ME1: variants seen among roughly 807,000 people sequenced by gnomAD.
ME1 encodes the protein malic enzyme 1.
ME1 carries 74 observed loss-of-function variants against 66.4 expected under a neutral mutation model. The ratio of observed to expected loss-of-function variants is 1.11; its 90% CI spans 0.92 to 1.35. The LOEUF is 1.35. Among genes scored for constraint, ME1 ranks in the 40% most tolerant of loss-of-function variants. The pLI, the probability that ME1 is intolerant of heterozygous loss-of-function variation, is 0.00. For missense variants in ME1, 750 were observed against 694.1 expected (o/e 1.08, Z -0.90); for synonymous variants, 251 against 235.6 (o/e 1.07, Z -0.60).
rs1470835426 is a variant in ME1, at chr6:83,301,468, G to A, written c.704+13842C>T. 3.3e-5 allele frequency among the ~76,000 whole-genome samples: 5 copies of A among 151,820 alleles called. No homozygotes were observed. In the East Asian group the frequency reaches 5.8e-4, roughly 18 times the overall value. ...AGCGATTCTCCTGCCTCAGCCTCCC[G>A]AATAGCTGGGATTACAGGCACCCAC... On this transcript the variant is annotated intron_variant, in intron 6 of 13. Coordinates refer to ENST00000369705, the MANE Select transcript of ME1 (RefSeq NM_002395.6).
At chr6:83,327,654 A>G (rs1287693144) in intron 5 of ME1, among the ~76,000 whole-genome samples, 1 of 152,148 alleles carries the variant, frequency 6.6e-6, no homozygotes, top group Non-Finnish European at 1.5e-5. Flanking sequence ...TTCATTAGCA[A>G]TTTTAATTTC....
chr6:83,402,939 G>T (rs1769864623), intron 2 of ME1, among the ~76,000 whole-genome samples: 1 of 152,210 alleles, frequency 6.6e-6, no homozygotes, highest in South Asian at 2.1e-4. Context: ...CTATTAATAT[G>T]TGTGTATACA....
intron 6 of ME1, among the ~76,000 whole-genome samples, chr6:83,300,641 AGTT>A (rs1767698342): frequency 1.1e-5 from 1 of 92,308 alleles, no homozygotes; most frequent in Admixed American, 1.6e-4. Flanking sequence ...TTTGAGATGG[AGTT>A]GTGCAGGATC....
At chr6:83,329,434 T>C (rs1768363761) in intron 5 of ME1, among the ~76,000 whole-genome samples, 1 of 152,202 alleles carries the variant, frequency 6.6e-6, no homozygotes, top group African/African-American at 2.4e-5. Flanking sequence ...TCTCCTAGAA[T>C]GTATGAATAA....
chr6:83,414,905 G>T (rs1770130026), intron 1 of ME1, among the ~76,000 whole-genome samples: 1 of 152,138 alleles, frequency 6.6e-6, no homozygotes, highest in Admixed American at 6.5e-5. Context: ...ATAGAGAAAA[G>T]TATCTGTTAA....
chr6:83,244,868 C>T (rs1302751682), intron 7 of ME1, among the ~76,000 whole-genome samples: 2 of 151,708 alleles, frequency 1.3e-5, no homozygotes, highest in Non-Finnish European at 2.9e-5. Flanking sequence ...AAAAAATTAT[C>T]AAAGAGGTAA....
intron 1 of ME1, among the ~76,000 whole-genome samples, chr6:83,427,473 G>T (rs2127698608): frequency 6.6e-6 from 1 of 152,152 alleles, no homozygotes; most frequent in South Asian, 2.1e-4. Flanking sequence ...CTACATTTCA[G>T]CATACTATAT....
chr6:83,287,492 T>C (rs1221926788), intron 6 of ME1, among the ~76,000 whole-genome samples: 1 of 152,220 alleles, frequency 6.6e-6, no homozygotes, highest in Non-Finnish European at 1.5e-5. Flanking sequence ...CTCATCATTT[T>C]TTATGGCTGC....
intron 5 of ME1, among the ~76,000 whole-genome samples, chr6:83,330,914 C>T (rs1202043415): frequency 6.6e-6 from 1 of 152,116 alleles, no homozygotes; most frequent in Non-Finnish European, 1.5e-5. Flanking sequence ...GAATTTTCTT[C>T]TCTCCCCTGG....
rs186012888 is a variant in ME1 at position 83,356,174 on chromosome 6, G to A, written c.363-4035C>T. ...TGTAATCAAACTTGTATTTCATTTT[G>A]GAGATAAGTTTATGACCCTGATCCT... On this transcript the variant is annotated intron_variant, in intron 3 of 13. Transcript: ENST00000369705. 9.1e-4 allele frequency among the ~76,000 whole-genome samples: 138 copies of A among 152,100 alleles called. No homozygotes were observed. The Middle Eastern group carries it at 0.017, about 19-fold the overall frequency.
intron 11 of ME1, among the ~76,000 whole-genome samples, chr6:83,224,565 G>A (rs1583326613): frequency 6.6e-6 from 1 of 150,522 alleles, no homozygotes; most frequent in South Asian, 2.1e-4. Context: ...GTGCCTGTAA[G>A]CCCAGCTACT....
At chr6:83,391,696 T>TCTCTCTC (rs1331058005) in intron 3 of ME1, among the ~76,000 whole-genome samples, 6 of 152,156 alleles carry the variant, frequency 3.9e-5, no homozygotes, top group Non-Finnish European at 8.8e-5. Flanking sequence ...ACTCATCCCC[T>TCTCTCTC]ACTCTCCCTC....
chr6:83,244,802 C>T (rs889511404), intron 7 of ME1, among the ~76,000 whole-genome samples: 6 of 151,800 alleles, frequency 4.0e-5, no homozygotes, highest in Admixed American at 6.6e-5. Context: ...ATTTAAGGAA[C>T]AGAGGGCAGA....
At chr6:83,393,318 C>T in intron 3 of ME1, 2 of 1,231,262 alleles carry the variant, frequency 1.6e-6, no homozygotes, top group African/African-American at 1.5e-5. Flanking sequence ...TCAACGACCA[C>T]TTTGTCAAGC....
chr6:83,403,290 A>G (rs1475724978), intron 2 of ME1, among the ~76,000 whole-genome samples: 2 of 152,196 alleles, frequency 1.3e-5, no homozygotes, highest in Admixed American at 6.5e-5. Context: ...TCAGTTTGCT[A>G]TGACAAAAAT....
In ME1 at chr6:83,285,090, A is replaced by G. The variant is rs1416121186; in HGVS notation, c.704+30220T>C. ...TCCCGTTTTGTCTTTTCTTAACATTAGACTGAAAATAAGTGAATGGGGGTA... is the reference window on the plus strand; with the variant it reads ...TCCCGTTTTGTCTTTTCTTAACATTGGACTGAAAATAAGTGAATGGGGGTA... On this transcript the variant is annotated intron_variant, in intron 6 of 13. Coordinates refer to ENST00000369705, the MANE Select transcript of ME1 (RefSeq NM_002395.6). Among the ~76,000 whole-genome samples the G allele has an allele frequency of 3.9e-5, 6 of 152,164 alleles. No homozygotes were observed. The South Asian group carries it at 6.2e-4, about 16-fold the overall frequency.
Position 83,211,997 on chromosome 6 carries a change from T to TAA in ME1, c.1644_1645dup (p.Tyr549PhefsTer52), listed in dbSNP as rs746693003. The TAA allele has an allele frequency of 1.2e-6, 2 of 1,611,920 alleles. No individual in the cohort carries two copies. Among genetic ancestry groups the TAA allele is most frequent in the East Asian group, 4.5e-5 (2 of 44,758 alleles). On this transcript the variant is annotated frameshift_variant, in exon 14 of 14. Transcript: ENST00000369705. LOFTEE classifies it high-confidence loss of function. ...ATAACAATCAGGTAGAATCTGGTCA[T>TAA]AATCAGTACTATACATCTGGGAGCG...
At chr6:83,426,573 A>T (rs1770374286) in intron 1 of ME1, among the ~76,000 whole-genome samples, 1 of 152,222 alleles carries the variant, frequency 6.6e-6, no homozygotes, top group South Asian at 2.1e-4. Context: ...GAAGAAAAAG[A>T]GGTTTAGGGT....
In ME1 at chr6:83,242,109, C is replaced by T. The variant is rs377403583; in HGVS notation, c.815-2473G>A. ...CACCCCTGACCTCAGGTGATCTGCC[C>T]GCCTCAGCCTCCCAAAGTGCTGGGA... On this transcript the variant is annotated intron_variant, in intron 7 of 13. Transcript: ENST00000369705. Among the ~76,000 whole-genome samples the T allele has an allele frequency of 1.2e-4, 19 of 152,274 alleles. No homozygotes were observed. In the East Asian group the frequency reaches 2.5e-3, roughly 20 times the overall value.
Sources: allele counts gnomAD v4.1 joint callset (sites outside exome capture counted in the v4.1 genomes callset), GRCh38; gene constraint gnomAD v4.1.1; transcripts MANE v1.5; gene names NCBI Gene and HGNC (gene_info 2026-07-23, HGNC 2026-07-21).